DBF4B: variants seen among roughly 807,000 people sequenced by gnomAD.
DBF4B encodes the protein protein DBF4 homolog B.
DBF4B carries 49 observed loss-of-function variants against 53.4 expected under a neutral mutation model. That is an observed-to-expected ratio of 0.92 (90% CI 0.73 to 1.16). DBF4B has a LOEUF of 1.16. Ranked by LOEUF, DBF4B falls within the 50% of genes most tolerant of loss-of-function variation. DBF4B has a pLI of 0.00. For synonymous variants in DBF4B, 257 were observed against 288.7 expected, an observed-to-expected ratio of 0.89 and a Z score of 1.11; for missense variants, 692 against 775.0, an observed-to-expected ratio of 0.89 and a Z score of 1.27.
At position 44,749,937 on chromosome 17, in the gene DBF4B, GA is replaced by G. The variant is rs998005071; in HGVS notation, c.1190-657del. 7 of 1,024,012 alleles carry G rather than the reference GA, an allele frequency of 6.8e-6. No individual in the cohort carries two copies. The African/African-American group carries it at 1.2e-4, about 18-fold the overall frequency. The allele number at this position is 1,024,012 out of a possible 1,614,324, so 63.4% of individuals were successfully genotyped here. A position where few individuals can be genotyped will look rare whatever the true frequency, so the allele number is the denominator to read the frequency against. On this transcript the variant is annotated intron_variant, in intron 13 of 13. Transcript: ENST00000315005. The surrounding 1 kb of genome is among the most constrained non-coding windows in gnomAD (Gnocchi z 4.4). ...ATCCTCAGGAACATATGAAGCAGAGGAGGGGCTTGGGCTGCACCACTCACAG... is the reference window on the plus strand; with the variant it reads ...ATCCTCAGGAACATATGAAGCAGAGGGGGGCTTGGGCTGCACCACTCACAG...
intron 8 of DBF4B, among the ~76,000 whole-genome samples, chr17:44,737,336 A>G (rs563552438): frequency 2.0e-5 from 3 of 152,274 alleles, no homozygotes; most frequent in African/African-American, 7.2e-5. Context: ...TCTCCCAAAG[A>G]TGCTCTTTCA....
intron 9 of DBF4B, 133 bp from the exon 10 acceptor site, chr17:44,741,203 G>T: frequency 1.5e-6 from 1 of 681,854 alleles, no homozygotes; most frequent in East Asian, 2.7e-5. Flanking sequence ...GATGAGTTTT[G>T]TTATAGAATT....
intron 3 of DBF4B, among the ~76,000 whole-genome samples, chr17:44,729,371 A>T (rs1974622819): frequency 6.9e-6 from 1 of 144,486 alleles, no homozygotes; most frequent in South Asian, 2.2e-4. Flanking sequence ...CCAGCTAATT[A>T]AAAAAAAAAA....
At chr17:44,721,214 C>T (rs1316634992) in intron 2 of DBF4B, among the ~76,000 whole-genome samples, 1 of 96,236 alleles carries the variant, frequency 1.0e-5, no homozygotes, top group African/African-American at 6.3e-5. Context: ...CCAACTAATT[C>T]TTCCCCCCCC....
intron 8 of DBF4B, 34 bp downstream of exon 8, chr17:44,736,900 A>ATCCC (rs748393220): frequency 1.9e-6 from 3 of 1,611,578 alleles, no homozygotes; most frequent in South Asian, 2.2e-5. Flanking sequence ...TCTAATTGCA[A>ATCCC]TCCCTCCCTC....
intron 2 of DBF4B, among the ~76,000 whole-genome samples, chr17:44,710,192 T>A (rs1015191936): frequency 1.3e-5 from 2 of 151,830 alleles, no homozygotes; most frequent in African/African-American, 4.8e-5. Flanking sequence ...AAAAAAAAAA[T>A]ACCGTCTACT....
intron 6 of DBF4B, chr17:44,732,911 A>T (rs1189928725): frequency 6.7e-6 from 1 of 149,714 alleles, no homozygotes; most frequent in African/African-American, 2.5e-5. Flanking sequence ...CACGCTTGTA[A>T]TCCCAGCACT....
In DBF4B at chr17:44,741,425, C is replaced by G; in HGVS notation, c.803C>G (p.Thr268Arg). The G allele has an allele frequency of 1.2e-6, 2 of 1,612,330 alleles. No homozygotes were observed. The highest frequency in any genetic ancestry group is 8.5e-7 in the Non-Finnish European group (1 of 1,178,994). Residue 268 changes from threonine to arginine, a missense_variant, in exon 10 of 14, where the codon ACG becomes AGG. By Grantham distance (71) the Thr-to-Arg change is moderately conservative. Transcript: ENST00000315005. ...PKDASPFEAPTTLGSMHHTRE... is the reference protein window; with the variant it reads ...PKDASPFEAPRTLGSMHHTRE... ...GATGCAAGTCCCTTTGAGGCCCCGACGACCCTGGGCAGCATGCACCATACC... is the reference window on the plus strand; with the variant it reads ...GATGCAAGTCCCTTTGAGGCCCCGAGGACCCTGGGCAGCATGCACCATACC...
Position 44,751,870 on chromosome 17 carries a change from C to T in DBF4B, c.*617C>T. On this transcript the variant is annotated 3_prime_UTR_variant, in exon 14 of 14. Coordinates refer to ENST00000315005, the MANE Select transcript of DBF4B (RefSeq NM_145663.3). Reference sequence around the variant, plus strand: ...CTGGCTCCCTTGGTCGCAGCAGCCCCTCAGTGGCCTGGTTCTCCTGTCCCC... The same window carrying T: ...CTGGCTCCCTTGGTCGCAGCAGCCCTTCAGTGGCCTGGTTCTCCTGTCCCC... The T allele has an allele frequency of 1.3e-5, 20 of 1,536,098 alleles. No individual in the cohort carries two copies. Among genetic ancestry groups the T allele is most frequent in the Non-Finnish European group, 1.7e-5 (20 of 1,146,820 alleles).
At chr17:44,709,778 T>C (rs1972697208) in intron 2 of DBF4B, among the ~76,000 whole-genome samples, 1 of 152,026 alleles carries the variant, frequency 6.6e-6, no homozygotes, top group African/African-American at 2.4e-5. Flanking sequence ...AATTAATACA[T>C]TCATAGTTGT....
At chr17:44,750,573 C>A in intron 13 of DBF4B, 22 bp from the exon 14 acceptor site, 1 of 1,580,516 alleles carries the variant, frequency 6.3e-7, no homozygotes, top group Non-Finnish European at 8.6e-7. Context: ...TGCCATATGT[C>A]GGTCCTTGAT....
In DBF4B at chr17:44,751,868, C is replaced by G. The variant is rs1014696286; in HGVS notation, c.*615C>G. 1 of 1,535,930 alleles carries G rather than the reference C, an allele frequency of 6.5e-7. No homozygotes were observed. Among genetic ancestry groups the G allele is most frequent in the African/African-American group, 1.4e-5 (1 of 73,014 alleles). ...GCCTGGCTCCCTTGGTCGCAGCAGC[C>G]CCTCAGTGGCCTGGTTCTCCTGTCC... On this transcript the variant is annotated 3_prime_UTR_variant, in exon 14 of 14. Transcript: ENST00000315005.
intron 1 of DBF4B, 80 bp from the exon 2 acceptor site, chr17:44,709,224 G>A: frequency 6.4e-7 from 1 of 1,574,030 alleles, no homozygotes; most frequent in Non-Finnish European, 8.7e-7. Context: ...TGCGCGTTTT[G>A]GGAGACAGTA....
chr17:44,738,299 C>T (rs1051626246), intron 8 of DBF4B, 80 bp from the exon 9 acceptor site: 9 of 1,471,868 alleles, frequency 6.1e-6, no homozygotes, highest in Non-Finnish European at 7.4e-6. Context: ...AGCCTTCCCT[C>T]TCAGCATTTC....
In DBF4B at chr17:44,752,063, C is replaced by T; in HGVS notation, c.*810C>T. The T allele has an allele frequency of 7.1e-7, 1 of 1,410,896 alleles. No homozygotes were observed. 87.4% of individuals were successfully genotyped at this position (1,410,896 alleles called of 1,614,324 possible). Reference sequence around the variant, plus strand: ...TTGCCTCTTCTCGCTGAGCCTTTCACTTCTCGGCAGATGTGACCGATTGGT... The same window carrying T: ...TTGCCTCTTCTCGCTGAGCCTTTCATTTCTCGGCAGATGTGACCGATTGGT... On this transcript the variant is annotated 3_prime_UTR_variant, in exon 14 of 14. Coordinates refer to ENST00000315005, the MANE Select transcript of DBF4B (RefSeq NM_145663.3).
rs942615997 is a variant in DBF4B at position 44,749,206 on chromosome 17, C to T, written c.1189+741C>T. On this transcript the variant is annotated intron_variant, in intron 13 of 13. Coordinates refer to ENST00000315005, the MANE Select transcript of DBF4B (RefSeq NM_145663.3). This position sits in a 1 kb window ranked among gnomAD's most constrained non-coding sequence, Gnocchi z 4.4. ...TGCGGGAGCCAGCTGTTCCCGATGC[C>T]TCTGGGCCCCCCAGCCTCTCCAGGT... The T allele has an allele frequency of 2.3e-6, 3 of 1,290,058 alleles. No homozygotes were observed. The African/African-American group carries it at 4.6e-5, about 20-fold the overall frequency. The allele number at this position is 1,290,058 out of a possible 1,614,324, so 79.9% of individuals were successfully genotyped here.
intron 6 of DBF4B, among the ~76,000 whole-genome samples, chr17:44,733,479 G>T (rs1032982779): frequency 2.0e-5 from 3 of 152,214 alleles, no homozygotes; most frequent in Non-Finnish European, 4.4e-5. Context: ...CCATTCTTGA[G>T]TCTGGAGTTT....
chr17:44,743,586 C>T (rs375852296), intron 10 of DBF4B, among the ~76,000 whole-genome samples: 14 of 148,410 alleles, frequency 9.4e-5, no homozygotes, highest in African/African-American at 2.7e-4. Context: ...TAACATCCAG[C>T]ATAGTCAATA....
At chr17:44,722,747 C>T (rs1250327105) in intron 2 of DBF4B, 133 bp from the exon 3 acceptor site, 85 of 992,418 alleles carry the variant, frequency 8.6e-5, no homozygotes, top group Non-Finnish European at 4.4e-6. Context: ...GCATTGGCTT[C>T]ACAGCTGTCT....
Sources: allele counts gnomAD v4.1 joint callset (sites outside exome capture counted in the v4.1 genomes callset), GRCh38; gene constraint gnomAD v4.1.1; non-coding constraint Gnocchi (gnomAD v3.1); transcripts MANE v1.5; gene names NCBI Gene and HGNC (gene_info 2026-07-23, HGNC 2026-07-21).